The following RPL13 variants were observed in gnomAD, a reference collection of about 807,000 sequenced individuals.
The protein encoded by RPL13 is large ribosomal subunit protein eL13.
In RPL13, 1 loss-of-function variant was observed where a neutral mutation model predicts 21.4. That is an observed-to-expected ratio of 0.05 (90% CI 0.02 to 0.22). RPL13 has a LOEUF of 0.22. RPL13 is among the 10% of genes least tolerant of loss of function. The probability of loss-of-function intolerance (pLI) is 1.00; values close to 1 mark genes in which losing one functional copy is unlikely to be tolerated. For synonymous variants in RPL13, 143 were observed against 120.5 expected (o/e 1.19, Z -1.23); for missense variants, 289 against 303.0 (o/e 0.95, Z 0.34).
At position 89,563,735 on chromosome 16, in the gene RPL13, C is replaced by T. The variant is rs1479845710; in HGVS notation, c.*693C>T. On this transcript the variant is annotated 3_prime_UTR_variant, in exon 6 of 6. Transcript: ENST00000311528. ...AGACCCTGCACCCAACCTAGAGTTG[C>T]CTTTTTTAAGCAAAGCAGTTTCTAG... The T allele has an allele frequency of 1.3e-5, 2 of 152,140 alleles. No individual in the cohort carries two copies. Among genetic ancestry groups the T allele is most frequent in the Admixed American group, 1.3e-4 (2 of 15,270 alleles). The allele number at this position is 152,140 out of a possible 1,614,324, so 9.4% of individuals were successfully genotyped here.
In RPL13 at chr16:89,561,049, C is replaced by G. The variant is rs994688653; in HGVS notation, c.90C>G (p.Ala30=). 1 of 1,606,594 alleles carries G rather than the reference C, an allele frequency of 6.2e-7. No homozygotes were observed. Among genetic ancestry groups the G allele is most frequent in the Non-Finnish European group, 8.5e-7 (1 of 1,178,002 alleles). ...RRVATWFNQP[A]RKIRRRKARQ... ...TGGCCACGTGGTTCAACCAGCCGGC[C>G]CGTAAGATCCGCAGGTGAGCCCTGC... The change falls in exon 2 of 6, where the codon GCC becomes GCG. Residue 30 remains alanine, a synonymous_variant. Coordinates refer to ENST00000311528, the MANE Select transcript of RPL13 (RefSeq NM_000977.4).
At chr16:89,564,707 CCT>C (rs1404526495), downstream of RPL13, 2 of 152,226 alleles carry the variant, frequency 1.3e-5, no homozygotes, top group African/African-American at 2.4e-5. Flanking sequence ...GGCTCGAATC[CCT>C]CTCACGTGAG....
At position 89,561,263 on chromosome 16, in the gene RPL13, C is replaced by A. The variant is rs174035; in HGVS notation, c.141C>A (p.Ala47=). 3 of 1,553,782 alleles carry A rather than the reference C, an allele frequency of 1.9e-6. No individual in the cohort carries two copies. The highest frequency in any genetic ancestry group is 2.7e-5 in the African/African-American group (2 of 73,626). ...GGCAAGCCAAGGCGCGCCGCATCGC[C>A]CCGCGCCCCGCGTCGGGTCCCATCC... ...KARQAKARRI[A]PRPASGPIRP... The change falls in exon 3 of 6, where the codon GCC becomes GCA. Residue 47 remains alanine, a synonymous_variant. Transcript: ENST00000311528.
intron 4 of RPL13, 29 bp from the exon 5 acceptor site, chr16:89,562,306 C>T (rs756002050): frequency 7.4e-6 from 12 of 1,612,282 alleles, no homozygotes; most frequent in Admixed American, 3.3e-5. Flanking sequence ...TGCGGCCAAC[C>T]CCACTTAACT....
At chr16:89,564,977 TC>T (rs2058773617), downstream of RPL13, 1 of 152,296 alleles carries the variant, frequency 6.6e-6, no homozygotes, top group Non-Finnish European at 1.5e-5. Context: ...ATCTGCGTGT[TC>T]CGGGGGCCCT....
chr16:89,562,473 G>A (rs781412800), intron 5 of RPL13, 82 bp downstream of exon 5: 3 of 1,373,234 alleles, frequency 2.2e-6, no homozygotes, highest in Admixed American at 2.1e-5. Context: ...GGGTGATGGG[G>A]GTCAGGCTTA....
rs1263774621 is a variant in RPL13, at chr16:89,562,398, GAACACTTACTC to G, written c.477+10_477+20del. 6.2e-7 allele frequency: 1 copy of G among 1,610,108 alleles called. No homozygotes were observed. Among genetic ancestry groups the G allele is most frequent in the Non-Finnish European group, 8.5e-7 (1 of 1,179,158 alleles). Reference sequence around the variant, plus strand: ...GGTCATGCCCGTCCGGAACGTAAGTGAACACTTACTCAAATCCAGGCTTCAGACGAGATCAG... The same window carrying G: ...GGTCATGCCCGTCCGGAACGTAAGTGAAATCCAGGCTTCAGACGAGATCAG... On this transcript the variant is annotated splice_region_variant and intron_variant, in intron 5 of 5. Transcript: ENST00000311528.
In RPL13 at chr16:89,561,301, G is replaced by A; in HGVS notation, c.179G>A (p.Arg60His). The A allele has an allele frequency of 6.3e-7, 1 of 1,577,738 alleles. No homozygotes were observed. The highest frequency in any genetic ancestry group is 1.8e-4 in the Middle Eastern group (1 of 5,542). ...TCGGGTCCCATCCGGCCCATCGTGC[G>A]CTGCCCCACGGTTCGGTACCACACG... ...PASGPIRPIV[R>H]CPTVRYHTKV... Residue 60 changes from arginine to histidine, a missense_variant, in exon 3 of 6, where the codon CGC becomes CAC. Physicochemically the swap from Arg to His is conservative, Grantham distance 29. Transcript: ENST00000311528.
intron 4 of RPL13, 177 bp from the exon 5 acceptor site, chr16:89,562,158 T>C (rs777293634): frequency 2.6e-5 from 17 of 657,012 alleles, no homozygotes; most frequent in Middle Eastern, 3.9e-4. Flanking sequence ...CAGTAAGATA[T>C]AGTCACCTAA....
chr16:89,561,551 C>G (rs770496322), intron 3 of RPL13, 27 bp from the exon 4 acceptor site: 6 of 1,613,362 alleles, frequency 3.7e-6, no homozygotes, highest in Admixed American at 3.3e-5. Flanking sequence ...CCGGGCCTGT[C>G]TCCATCTCTC....
intron 4 of RPL13, 66 bp downstream of exon 4, chr16:89,561,817 G>T: frequency 6.5e-7 from 1 of 1,547,832 alleles, no homozygotes; most frequent in South Asian, 1.2e-5. Flanking sequence ...CTTTATCAGT[G>T]ACACCGGTCC....
At chr16:89,562,302 C>T (rs552686491) in intron 4 of RPL13, 33 bp from the exon 5 acceptor site, 2 of 1,610,024 alleles carry the variant, frequency 1.2e-6, no homozygotes, top group Non-Finnish European at 1.7e-6. Context: ...GCAGTGCGGC[C>T]AACCCCACTT....
At chr16:89,561,440 C>T (rs1212073914) in intron 3 of RPL13, 72 bp downstream of exon 3, 8 of 1,612,258 alleles carry the variant, frequency 5.0e-6, no homozygotes, top group East Asian at 2.2e-5. Flanking sequence ...CGCGTGATGA[C>T]ATTCTCCGGA....
chr16:89,561,775 T>G (rs1490493581), intron 4 of RPL13, 24 bp downstream of exon 4: 1 of 1,605,096 alleles, frequency 6.2e-7, no homozygotes, highest in Non-Finnish European at 8.5e-7. Flanking sequence ...TCTCTGGCCG[T>G]CCTGGTGCGC....
intron 4 of RPL13, 152 bp downstream of exon 4, chr16:89,561,903 G>C (rs2058747852): frequency 3.4e-6 from 3 of 870,940 alleles, no homozygotes; most frequent in Non-Finnish European, 5.2e-6. Flanking sequence ...GTTCACCTGT[G>C]CGTTTCCGCA....
rs906855100 is a variant in RPL13, at chr16:89,561,622, T to G, written c.291T>G (p.Ser97=). Residue 97 remains serine, a synonymous_variant, in exon 4 of 6, where the codon TCT becomes TCG. Transcript: ENST00000311528. ...HKKVARTIGI[S]VDPRRRNKST... Reference sequence around the variant, plus strand: ...AGGTGGCCCGGACCATCGGCATTTCTGTGGATCCGAGGAGGCGGAACAAGT... The same window carrying G: ...AGGTGGCCCGGACCATCGGCATTTCGGTGGATCCGAGGAGGCGGAACAAGT... The G allele has an allele frequency of 2.5e-5, 40 of 1,613,662 alleles. No homozygotes were observed. Among genetic ancestry groups the G allele is most frequent in the Non-Finnish European group, 3.3e-5 (39 of 1,180,042 alleles).
At chr16:89,561,841 G>C (rs761022115) in intron 4 of RPL13, 90 bp downstream of exon 4, 217 of 1,433,780 alleles carry the variant, frequency 1.5e-4, no homozygotes, top group Non-Finnish European at 2.0e-4. Flanking sequence ...GGTCTTGCTG[G>C]GGTGAGAAGA....
chr16:89,561,520 G>A (rs184644131), intron 3 of RPL13, 58 bp from the exon 4 acceptor site: 78 of 1,612,812 alleles, frequency 4.8e-5, no homozygotes, highest in Non-Finnish European at 6.4e-5. Flanking sequence ...TTTTCATCCA[G>A]GCCTCGGGGC....
intron 4 of RPL13, chr16:89,562,130 G>C (rs967187493): frequency 6.6e-5 from 41 of 618,090 alleles, no homozygotes; most frequent in Non-Finnish European, 9.0e-5. Context: ...TAACTGTCTC[G>C]TGCGTGTTGC....
Sources: allele counts gnomAD v4.1 joint callset, GRCh38; gene constraint gnomAD v4.1.1; transcripts MANE v1.5; gene names NCBI Gene and HGNC (gene_info 2026-07-23, HGNC 2026-07-21).